Variants in NAA15 observed in about 807,000 individuals in gnomAD.
NAA15 encodes the protein N-alpha-acetyltransferase 15, NatA auxiliary subunit.
A neutral mutation model predicts 114.0 loss-of-function variants in NAA15; 34 were observed. The observed-to-expected ratio is 0.30, with a 90% CI of 0.23 to 0.40. The LOEUF (loss-of-function observed/expected upper bound fraction) is 0.40. NAA15 is among the 10% of genes least tolerant of loss of function. The pLI is 1.00. For synonymous variants in NAA15, 340 were observed against 338.0 expected (o/e 1.01, Z -0.06); for missense variants, 658 against 1,004.5 (o/e 0.66, Z 4.66).
chr4:139,360,230 C>G (rs142816114), intron 12 of NAA15, among the ~76,000 whole-genome samples: 403 of 152,078 alleles, frequency 2.6e-3, no homozygotes, highest in African/African-American at 8.8e-3. Context: ...TTATGTAGAC[C>G]TTTGAAACTA....
intron 17 of NAA15, chr4:139,379,093 C>G (rs998139061): frequency 3.2e-6 from 1 of 311,386 alleles, no homozygotes; most frequent in African/African-American, 2.2e-5. Context: ...ATCTTTGTTT[C>G]TGTTTCTAAA....
chr4:139,354,830 A>T (rs1010373465), intron 10 of NAA15, among the ~76,000 whole-genome samples: 72 of 152,330 alleles, frequency 4.7e-4, no homozygotes, highest in Middle Eastern at 3.4e-3. Flanking sequence ...TCTAAAGAGA[A>T]GGACTTAACC....
chr4:139,385,886 T>C (rs1029330797), intron 18 of NAA15, among the ~76,000 whole-genome samples: 2 of 152,224 alleles, frequency 1.3e-5, no homozygotes, highest in Non-Finnish European at 2.9e-5. Context: ...GTGTTGCATA[T>C]ACATTCTATT....
rs2044810 is a variant in NAA15, at chr4:139,349,721, G to A, written c.811+140G>A. The A allele has an allele frequency of 0.99, 792,949 of 803,284 alleles. 391,397 individuals carry two copies. The highest frequency in any genetic ancestry group is 1 in the East Asian group (30,052 of 30,060). The allele number at this position is 803,284 out of a possible 1,614,324, so 49.8% of individuals were successfully genotyped here. ...GAATACAGGCCAAGCGCAGTGGCTC[G>A]TGCCTGTAATCCCAGCACTTTGGGA... On this transcript the variant is annotated intron_variant, in intron 7 of 19. Coordinates refer to ENST00000296543, the MANE Select transcript of NAA15 (RefSeq NM_057175.5).
chr4:139,343,342 T>C (rs967362127), intron 5 of NAA15, among the ~76,000 whole-genome samples: 2 of 152,226 alleles, frequency 1.3e-5, no homozygotes, highest in African/African-American at 4.8e-5. Flanking sequence ...ACTGATAGAC[T>C]GTTATCTAAT....
chr4:139,361,547 T>C (rs1250225659), intron 13 of NAA15, among the ~76,000 whole-genome samples, 177 bp from the exon 14 acceptor site: 2 of 152,212 alleles, frequency 1.3e-5, no homozygotes, highest in Non-Finnish European at 2.9e-5. Context: ...AGACAATGGC[T>C]AACTGTATTT....
intron 17 of NAA15, among the ~76,000 whole-genome samples, chr4:139,383,114 T>C (rs569780445): frequency 9.2e-5 from 14 of 152,302 alleles, no homozygotes; most frequent in African/African-American, 3.4e-4. Context: ...TTGAAAGTCA[T>C]CACCATAGTT....
At chr4:139,367,873 G>A (rs1195079648) in intron 14 of NAA15, among the ~76,000 whole-genome samples, 3 of 152,124 alleles carry the variant, frequency 2.0e-5, no homozygotes, top group Non-Finnish European at 4.4e-5. Flanking sequence ...AGCTCACTGA[G>A]TCCATTTGAC....
At chr4:139,375,262 C>A (rs1748550592) in intron 15 of NAA15, among the ~76,000 whole-genome samples, 1 of 152,148 alleles carries the variant, frequency 6.6e-6, no homozygotes, top group African/African-American at 2.4e-5. Flanking sequence ...GTTCCTGAAT[C>A]CACAGTTATT....
At chr4:139,317,386 G>A (rs745310970) in intron 1 of NAA15, among the ~76,000 whole-genome samples, 32 of 152,218 alleles carry the variant, frequency 2.1e-4, no homozygotes, top group Non-Finnish European at 1.9e-4. Context: ...CACTTTGGGC[G>A]GCCGAGGCGG....
chr4:139,367,262 A>T (rs1300039399), intron 14 of NAA15, among the ~76,000 whole-genome samples: 3 of 152,142 alleles, frequency 2.0e-5, no homozygotes, highest in Non-Finnish European at 4.4e-5. Flanking sequence ...TAGTTCTTTG[A>T]TGAGGACCCA....
chr4:139,330,032 A>C (rs1258512594), intron 1 of NAA15, among the ~76,000 whole-genome samples: 1 of 152,088 alleles, frequency 6.6e-6, no homozygotes, highest in African/African-American at 2.4e-5. Context: ...CTGTTATTTC[A>C]TATATTTTGT....
At chr4:139,352,704 G>A (rs555321537) in intron 9 of NAA15, among the ~76,000 whole-genome samples, 1 of 88,648 alleles carries the variant, frequency 1.1e-5, no homozygotes, top group East Asian at 3.6e-4. Context: ...TTTCACTCTT[G>A]TCGCCCAGGC....
chr4:139,303,985 T>C (rs1454346879), intron 1 of NAA15, among the ~76,000 whole-genome samples: 1 of 152,232 alleles, frequency 6.6e-6, no homozygotes, highest in Non-Finnish European at 1.5e-5. Context: ...TGGCGCGATC[T>C]CGGCTCACTG....
Position 139,390,848 on chromosome 4 carries a change from G to A in NAA15, c.*2764G>A, listed in dbSNP as rs1429749902. 1 of 152,100 alleles carries A rather than the reference G, an allele frequency of 6.6e-6. No homozygotes were observed. The highest frequency in any genetic ancestry group is 1.9e-4 in the East Asian group (1 of 5,194). 9.4% of individuals were successfully genotyped at this position (152,100 alleles called of 1,614,324 possible). A position where few individuals can be genotyped will look rare whatever the true frequency, so the allele number is the denominator to read the frequency against. The stretch of plus-strand genomic sequence containing the variant: ...TTGCTGTGGGCTTTATCAGGCCCTT[G>A]TTTTTCACAGTGTTGTTTGTACTCC... On this transcript the variant is annotated 3_prime_UTR_variant, in exon 20 of 20. Transcript: ENST00000296543.
chr4:139,309,317 C>T (rs2110829702), intron 1 of NAA15, among the ~76,000 whole-genome samples: 1 of 149,332 alleles, frequency 6.7e-6, no homozygotes, highest in African/African-American at 2.5e-5. Context: ...CATTGCTCTC[C>T]AGCCTGGGGG....
chr4:139,301,881 G>T, intron 1 of NAA15, 50 bp downstream of exon 1: 1 of 1,546,928 alleles, frequency 6.5e-7, no homozygotes. Flanking sequence ...GCCGGTAACC[G>T]GGCCTGTCAC....
intron 7 of NAA15, 96 bp downstream of exon 7, chr4:139,349,677 A>G (rs1747717199): frequency 7.7e-7 from 1 of 1,300,966 alleles, no homozygotes; most frequent in Admixed American, 2.8e-5. Flanking sequence ...AATAGTGGTT[A>G]AGAATTGGTT....
chr4:139,315,903 C>G (rs192830589), intron 1 of NAA15, among the ~76,000 whole-genome samples: 36 of 149,976 alleles, frequency 2.4e-4, no homozygotes, highest in Admixed American at 1.8e-3. Flanking sequence ...TAGGTTTCTT[C>G]TATTTGGTTT....
Sources: gnomAD v4.1 joint callset for allele counts (sites outside exome capture counted in the v4.1 genomes callset) on GRCh38, gnomAD v4.1.1 for gene constraint, MANE v1.5 for transcripts, NCBI Gene and HGNC (gene_info 2026-07-23, HGNC 2026-07-21) for gene names.